CFAP54: variants seen among roughly 807,000 people sequenced by gnomAD.
CFAP54 encodes cilia and flagella associated protein 54, also known as cilia- and flagella-associated protein 54.
A neutral mutation model predicts 370.4 loss-of-function variants in CFAP54; 290 were observed. The ratio of observed to expected loss-of-function variants is 0.78; its 90% CI spans 0.71 to 0.86. The LOEUF is 0.86. CFAP54 is among the 40% of genes least tolerant of loss of function. CFAP54 has a pLI of 0.00. For synonymous variants in CFAP54, 1,206 were observed against 1,236.5 expected (o/e 0.98, Z 0.52); for missense variants, 3,399 against 3,528.7 (o/e 0.96, Z 0.93).
Position 96,593,262 on chromosome 12 carries a change from TA to T in CFAP54, c.3360+626del, listed in dbSNP as rs1489807991. ...CTTGTATTTAGTAATGATCCTACAT[TA>T]TTTTTTTTTCATTCCTGCTTGAAGT... On this transcript the variant is annotated intron_variant, in intron 24 of 67. Transcript: ENST00000524981. Among the ~76,000 whole-genome samples, 20 of 152,302 alleles carry T rather than the reference TA, an allele frequency of 1.3e-4. No homozygotes were observed. The South Asian group carries it at 4.1e-3, about 32-fold the overall frequency.
In CFAP54 at chr12:96,721,729, A is replaced by G. The variant is rs1957756237; in HGVS notation, c.6965+1164A>G. 2.0e-5 allele frequency among the ~76,000 whole-genome samples: 3 copies of G among 152,224 alleles called. No homozygotes were observed. In the South Asian group the frequency reaches 6.2e-4, roughly 32 times the overall value. On this transcript the variant is annotated intron_variant, in intron 50 of 67. Coordinates refer to ENST00000524981, the MANE Select transcript of CFAP54 (RefSeq NM_001306084.2). ...GCACTGTTCTAAGCTCCTGGCAAGT[A>G]TCAGTGGCCCAATACTCATATATAC...
At chr12:96,573,009 A>G in intron 19 of CFAP54, 1 of 985,428 alleles carries the variant, frequency 1.0e-6, no homozygotes, top group Non-Finnish European at 1.2e-6. Flanking sequence ...TTTGAGATCA[A>G]ATTTGGAGCC....
At chr12:96,603,278 T>G (rs1280423867) in intron 26 of CFAP54, among the ~76,000 whole-genome samples, 1 of 152,214 alleles carries the variant, frequency 6.6e-6, no homozygotes, top group Non-Finnish European at 1.5e-5. Flanking sequence ...ATGTTCAATA[T>G]TGTCCCCCAC....
At chr12:96,706,876 G>A (rs749862540) in intron 47 of CFAP54, among the ~76,000 whole-genome samples, 2 of 152,072 alleles carry the variant, frequency 1.3e-5, no homozygotes, top group Non-Finnish European at 2.9e-5. Context: ...ATATCTGTTA[G>A]ACATCCAAGT....
At chr12:96,770,582 C>T (rs1359381579) in intron 60 of CFAP54, among the ~76,000 whole-genome samples, 1 of 152,194 alleles carries the variant, frequency 6.6e-6, no homozygotes, top group East Asian at 1.9e-4. Context: ...GGAGGAGACT[C>T]AACATGATTG....
chr12:96,549,022 T>C (rs997788136), intron 15 of CFAP54, among the ~76,000 whole-genome samples: 18 of 152,068 alleles, frequency 1.2e-4, no homozygotes, highest in African/African-American at 4.1e-4. Flanking sequence ...ACCCAGCTAA[T>C]TTTTTGTATT....
chr12:96,591,727 A>G (rs560479682), intron 23 of CFAP54, among the ~76,000 whole-genome samples: 10 of 152,052 alleles, frequency 6.6e-5, no homozygotes, highest in African/African-American at 2.4e-4. Context: ...GTCTCTACTA[A>G]AAATACAAAA....
At chr12:96,826,446 C>T (rs1421322525) in intron 65 of CFAP54, among the ~76,000 whole-genome samples, 2 of 116,876 alleles carry the variant, frequency 1.7e-5, no homozygotes, top group Non-Finnish European at 3.3e-5. Flanking sequence ...TATTATATAC[C>T]ATATATGTTA....
chr12:96,844,284 C>CGG (rs146563400), intron 66 of CFAP54, among the ~76,000 whole-genome samples: 1,705 of 152,056 alleles, frequency 0.011, 80 homozygotes, highest in East Asian at 0.11. Flanking sequence ...TGAGAGGGAG[C>CGG]TAGAGGGAGA....
chr12:96,785,310 GT>G (rs34713372), intron 61 of CFAP54, among the ~76,000 whole-genome samples: 72 of 145,986 alleles, frequency 4.9e-4, no homozygotes, highest in East Asian at 1.6e-3. Flanking sequence ...ATTCCGTGGA[GT>G]TTTTTTTTTT....
intron 60 of CFAP54, among the ~76,000 whole-genome samples, chr12:96,767,156 G>T (rs1199545527): frequency 6.6e-6 from 1 of 152,182 alleles, no homozygotes; most frequent in Admixed American, 6.5e-5. Flanking sequence ...TACACTGCTT[G>T]TACAGGAAGG....
intron 39 of CFAP54, among the ~76,000 whole-genome samples, chr12:96,670,466 C>T (rs934775878): frequency 1.3e-5 from 2 of 152,170 alleles, no homozygotes; most frequent in African/African-American, 4.8e-5. Flanking sequence ...TTGAAAGTGA[C>T]ACAGGTCATG....
chr12:96,829,882 T>C (rs1423933127), intron 66 of CFAP54, among the ~76,000 whole-genome samples: 1 of 152,030 alleles, frequency 6.6e-6, no homozygotes, highest in African/African-American at 2.4e-5. Context: ...CAATTCCTCC[T>C]CCCCCACCAC....
Position 96,580,604 on chromosome 12 carries a change from G to C in CFAP54, c.2804G>C (p.Trp935Ser). 2.0e-6 allele frequency: 3 copies of C among 1,515,642 alleles called. No individual in the cohort carries two copies. The highest frequency in any genetic ancestry group is 2.6e-6 in the Non-Finnish European group (3 of 1,136,610). 93.9% of individuals were successfully genotyped at this position (1,515,642 alleles called of 1,614,324 possible). The part of the protein sequence containing the change: ...APFTSEVKVS[W>S]YCILGCKAEG... Reference sequence around the variant, plus strand: ...CATTTTTCTCGTCGGCAGGTCTCCTGGTACTGCATTTTGGGTTGCAAAGCA... The same window carrying C: ...CATTTTTCTCGTCGGCAGGTCTCCTCGTACTGCATTTTGGGTTGCAAAGCA... The change falls in exon 21 of 68, where the codon TGG becomes TCG. Residue 935 changes from tryptophan to serine, a missense_variant. Trp to Ser is a radical substitution (Grantham distance 177). Transcript: ENST00000524981.
chr12:96,529,402 A>G (rs574359382), intron 9 of CFAP54, among the ~76,000 whole-genome samples: 1 of 152,360 alleles, frequency 6.6e-6, no homozygotes, highest in South Asian at 2.1e-4. Context: ...TTGCAAGAGC[A>G]TGGGATATTC....
intron 15 of CFAP54, among the ~76,000 whole-genome samples, chr12:96,551,358 G>A (rs1340905662): frequency 6.6e-6 from 1 of 152,094 alleles, no homozygotes; most frequent in East Asian, 1.9e-4. Flanking sequence ...AGAGGAGTGG[G>A]TAGGAGAAAA....
chr12:96,597,899 G>A (rs1195322311), intron 25 of CFAP54, among the ~76,000 whole-genome samples: 1 of 151,826 alleles, frequency 6.6e-6, no homozygotes, highest in Non-Finnish European at 1.5e-5. Context: ...GATATGATAT[G>A]GTAGCATGGG....
intron 42 of CFAP54, 143 bp from the exon 43 acceptor site, chr12:96,688,772 AT>A: frequency 2.2e-6 from 1 of 465,076 alleles, no homozygotes; most frequent in Non-Finnish European, 3.7e-6. Flanking sequence ...TCTTTAATAT[AT>A]TTTCCTTCTA....
intron 65 of CFAP54, among the ~76,000 whole-genome samples, chr12:96,827,721 T>TAATTATATTTAATATAATTATATAA (rs1485101192): frequency 7.9e-6 from 1 of 126,492 alleles, no homozygotes; most frequent in Non-Finnish European, 1.6e-5. Flanking sequence ...TAATTATATA[T>TAATTATATTTAATATAATTATATAA]AATTATATTT....
Sources: allele counts gnomAD v4.1 joint callset (sites outside exome capture counted in the v4.1 genomes callset), GRCh38; gene constraint gnomAD v4.1.1; transcripts MANE v1.5; gene names NCBI Gene and HGNC (gene_info 2026-07-23, HGNC 2026-07-21).